The following GJA3 variants were observed in gnomAD, a reference collection of about 807,000 sequenced individuals.
GJA3 encodes gap junction alpha-3 protein.
For synonymous variants in GJA3, 297 were observed against 292.6 expected, an observed-to-expected ratio of 1.02 and a Z score of -0.15; for missense variants, 571 against 620.3, an observed-to-expected ratio of 0.92 and a Z score of 0.84.
In GJA3 at chr13:20,142,206, T is replaced by G. The variant is rs779251021; in HGVS notation, c.1083A>C (p.Pro361=). Residue 361 remains proline, a synonymous_variant, in exon 2 of 2, where the codon CCA becomes CCC. Coordinates refer to ENST00000241125, the MANE Select transcript of GJA3 (RefSeq NM_021954.4). ...APSPVGSSSP[P]LAHEAEAGAA... is the part of the protein sequence containing the mutation. ...CGCCCGCCTCAGCCTCGTGCGCGAGTGGCGGGGAGCTGCTGCCGACGGGGC... is the reference window on the plus strand; with the variant it reads ...CGCCCGCCTCAGCCTCGTGCGCGAGGGGCGGGGAGCTGCTGCCGACGGGGC... 449 of 1,511,450 alleles carry G rather than the reference T, an allele frequency of 3.0e-4. No individual in the cohort carries two copies. The highest frequency in any genetic ancestry group is 3.5e-4 in the Non-Finnish European group (392 of 1,132,776). 93.6% of individuals were successfully genotyped at this position (1,511,450 alleles called of 1,614,324 possible).
chr13:20,143,916 G>C (rs563241420), intron 1 of GJA3, among the ~76,000 whole-genome samples: 1 of 152,074 alleles, frequency 6.6e-6, no homozygotes, highest in Non-Finnish European at 1.5e-5. Context: ...GCTTTATTTT[G>C]GAAGTAAGGA....
At chr13:20,149,046 C>A (rs946725351) in intron 1 of GJA3, among the ~76,000 whole-genome samples, 1 of 152,212 alleles carries the variant, frequency 6.6e-6, no homozygotes. Context: ...CTTTCATAGT[C>A]TTTGAAAAGT....
At chr13:20,154,505 A>C (rs988263822) in intron 1 of GJA3, among the ~76,000 whole-genome samples, 3 of 152,176 alleles carry the variant, frequency 2.0e-5, no homozygotes, top group Non-Finnish European at 4.4e-5. Flanking sequence ...TCTACTCTTA[A>C]GGATAAATTT....
Position 20,142,456 on chromosome 13 carries a change from GGC to G in GJA3, c.831_832del (p.Leu279GlyfsTer46). ...GCCCACGGCGCGGGCCTGTCCCAGG[GGC>G]GCAGCGGTGTGCGCATAGTAGGGTG... On this transcript the variant is annotated frameshift_variant, in exon 2 of 2. Coordinates refer to ENST00000241125, the MANE Select transcript of GJA3 (RefSeq NM_021954.4). LOFTEE classifies it low-confidence loss of function (END_TRUNC). The G allele has an allele frequency of 4.6e-6, 7 of 1,527,440 alleles. No homozygotes were observed. The highest frequency in any genetic ancestry group is 6.2e-6 in the Non-Finnish European group (7 of 1,136,708). 94.6% of individuals were successfully genotyped at this position (1,527,440 alleles called of 1,614,324 possible).
rs568817598 is a variant in GJA3, at chr13:20,160,298, A to G, written c.-18+592T>C. Reference sequence around the variant, plus strand: ...CGAGAAATCTGGTCGTGGCATTAATAGCTACAGTGTTTCTTAAAAATAAAA... The same window carrying G: ...CGAGAAATCTGGTCGTGGCATTAATGGCTACAGTGTTTCTTAAAAATAAAA... On this transcript the variant is annotated intron_variant, in intron 1 of 1. Transcript: ENST00000241125. Among the ~76,000 whole-genome samples the G allele has an allele frequency of 1.6e-4, 24 of 152,254 alleles. No homozygotes were observed. The South Asian group carries it at 1.9e-3, about 12-fold the overall frequency.
In GJA3 at chr13:20,141,858, G is replaced by T; in HGVS notation, c.*123C>A. 2.1e-6 allele frequency: 3 copies of T among 1,407,986 alleles called. No individual in the cohort carries two copies. In the South Asian group the frequency reaches 4.1e-5, roughly 19 times the overall value. The allele number at this position is 1,407,986 out of a possible 1,614,324, so 87.2% of individuals were successfully genotyped here. On this transcript the variant is annotated 3_prime_UTR_variant, in exon 2 of 2. Coordinates refer to ENST00000241125, the MANE Select transcript of GJA3 (RefSeq NM_021954.4). ...TCTCTCCTCCATCGTCCACCTCCTG[G>T]GACTCCAGTCGCTCCCACCTCCTGG... is the stretch of plus-strand genomic sequence containing the variant.
intron 1 of GJA3, among the ~76,000 whole-genome samples, chr13:20,156,594 G>A (rs537295379): frequency 3.9e-5 from 6 of 152,340 alleles, no homozygotes; most frequent in African/African-American, 1.2e-4. Context: ...TCATAGGCAT[G>A]AGCCACCAAG....
chr13:20,154,178 G>GT (rs1566519043), intron 1 of GJA3, among the ~76,000 whole-genome samples: 1 of 152,234 alleles, frequency 6.6e-6, no homozygotes, highest in African/African-American at 2.4e-5. Flanking sequence ...TGGAAATGCA[G>GT]TAAGTTTAGA....
intron 1 of GJA3, among the ~76,000 whole-genome samples, chr13:20,147,837 T>C (rs1958852275): frequency 6.6e-6 from 1 of 152,170 alleles, no homozygotes; most frequent in Admixed American, 6.5e-5. Flanking sequence ...TACAATACAC[T>C]TTGCACGCTT....
At position 20,142,574 on chromosome 13, in the gene GJA3, C is replaced by G. The variant is rs761959857; in HGVS notation, c.715G>C (p.Gly239Arg). ...AGCGGGGCCTCGGAGGCGTCCGGGC[C>G]GAGGCGGCTGGTCACGCCCTGCTTG... ...KLKQGVTSRL[G>R]PDASEAPLGT... is the part of the protein sequence containing the mutation. The change falls in exon 2 of 2, where the codon GGC becomes CGC. Residue 239 changes from glycine (G) to arginine (R), a missense_variant. Physicochemically the swap from Gly to Arg is moderately radical, Grantham distance 125. Coordinates refer to ENST00000241125, the MANE Select transcript of GJA3 (RefSeq NM_021954.4). 6.3e-6 allele frequency: 10 copies of G among 1,599,884 alleles called. No homozygotes were observed. In the East Asian group the frequency reaches 1.8e-4, roughly 29 times the overall value.
At chr13:20,155,565 A>G (rs779136582) in intron 1 of GJA3, among the ~76,000 whole-genome samples, 2 of 151,766 alleles carry the variant, frequency 1.3e-5, no homozygotes, top group African/African-American at 2.4e-5. Context: ...TGGTGTTTGT[A>G]GTCAAATTCC....
chr13:20,145,255 A>G (rs1481201916), intron 1 of GJA3, among the ~76,000 whole-genome samples: 2 of 152,176 alleles, frequency 1.3e-5, no homozygotes, highest in East Asian at 1.9e-4. Context: ...AACTCTACTC[A>G]TTAACAATCT....
At chr13:20,161,071 A>C (rs1246801604), upstream of GJA3, 1 of 147,810 alleles carries the variant, frequency 6.8e-6, no homozygotes, top group Non-Finnish European at 1.5e-5. Context: ...CGACGCCCCC[A>C]AGCTGCAGCT....
At chr13:20,152,720 T>C (rs1277239483) in intron 1 of GJA3, among the ~76,000 whole-genome samples, 2 of 152,174 alleles carry the variant, frequency 1.3e-5, no homozygotes, top group African/African-American at 4.8e-5. Context: ...GTTTACAAAT[T>C]AGAGGTAATA....
At chr13:20,158,649 C>T (rs183980096) in intron 1 of GJA3, among the ~76,000 whole-genome samples, 9 of 151,916 alleles carry the variant, frequency 5.9e-5, no homozygotes, top group African/African-American at 1.2e-4. Context: ...CGGTGGCTCA[C>T]GCCTGTAATT....
chr13:20,158,797 A>G (rs1324949169), intron 1 of GJA3, among the ~76,000 whole-genome samples: 1 of 151,500 alleles, frequency 6.6e-6, no homozygotes, highest in African/African-American at 2.4e-5. Flanking sequence ...CTGTAATCCC[A>G]GCTACAAGGG....
At chr13:20,154,858 CTTA>C (rs1958898900) in intron 1 of GJA3, among the ~76,000 whole-genome samples, 1 of 151,744 alleles carries the variant, frequency 6.6e-6, no homozygotes, top group African/African-American at 2.4e-5. Context: ...ATTTAATTAC[CTTA>C]TTTTTTTGAG....
chr13:20,159,281 G>A (rs1468806301), intron 1 of GJA3, among the ~76,000 whole-genome samples: 4 of 151,596 alleles, frequency 2.6e-5, no homozygotes, highest in Admixed American at 2.0e-4. Flanking sequence ...AGGCAGAGTG[G>A]CAAAAAACAG....
chr13:20,143,848 G>C (rs921509033), intron 1 of GJA3, among the ~76,000 whole-genome samples: 3 of 152,138 alleles, frequency 2.0e-5, no homozygotes, highest in Admixed American at 2.0e-4. Context: ...ATGGAAAATC[G>C]GCACTAATAC....
Sources: allele counts gnomAD v4.1 joint callset (sites outside exome capture counted in the v4.1 genomes callset), GRCh38; gene constraint gnomAD v4.1.1; transcripts MANE v1.5; gene names NCBI Gene and HGNC (gene_info 2026-07-23, HGNC 2026-07-21).